GPN1: variants seen among roughly 807,000 people sequenced by gnomAD.
The protein encoded by GPN1 is GPN-loop GTPase 1.
Under a neutral mutation model 55.9 loss-of-function variants are expected in GPN1, and 44 were observed. The ratio of observed to expected loss-of-function variants is 0.79; its 90% CI spans 0.62 to 1.01. The LOEUF is 1.01. GPN1 is among the 50% of genes least tolerant of loss of function. GPN1 has a pLI of 0.00. For synonymous variants in GPN1, 179 were observed against 162.5 expected (o/e 1.10, Z -0.77); for missense variants, 466 against 462.8 (o/e 1.01, Z -0.06).
At chr2:27,641,150 C>A in intron 10 of GPN1, 90 bp from the exon 11 acceptor site, 3 of 794,636 alleles carry the variant, frequency 3.8e-6, no homozygotes, top group South Asian at 3.3e-5. Flanking sequence ...TTATTATTGT[C>A]AGTCTTAGGA....
intron 4 of GPN1, among the ~76,000 whole-genome samples, chr2:27,632,361 C>T (rs1673588613): frequency 6.6e-6 from 1 of 152,190 alleles, no homozygotes; most frequent in Non-Finnish European, 1.5e-5. Context: ...AACATTTTGA[C>T]AAGAGATAAC....
At chr2:27,644,723 GTTTTTT>G (rs1297764271) in intron 12 of GPN1, among the ~76,000 whole-genome samples, 3 of 101,744 alleles carry the variant, frequency 2.9e-5, no homozygotes, top group African/African-American at 1.2e-4. Flanking sequence ...TTTTGGTAGT[GTTTTTT>G]TTTTTTTTTT....
At chr2:27,642,940 G>GTT (rs1480978937) in intron 12 of GPN1, among the ~76,000 whole-genome samples, 8 of 80,774 alleles carry the variant, frequency 9.9e-5, no homozygotes, top group African/African-American at 2.6e-4. Context: ...AGGAAATGTG[G>GTT]TTTTATATAT....
chr2:27,642,138 A>G (rs1673982263), intron 11 of GPN1: 2 of 246,106 alleles, frequency 8.1e-6, no homozygotes, highest in African/African-American at 2.3e-5. Flanking sequence ...AGAGCAGGGG[A>G]TCCACCCTGG....
intron 5 of GPN1, 112 bp downstream of exon 5, chr2:27,632,782 C>A: frequency 4.1e-6 from 3 of 724,422 alleles, no homozygotes; most frequent in South Asian, 1.8e-5. Context: ...TGAGATGAAA[C>A]CATTAGGAGT....
At position 27,634,865 on chromosome 2, in the gene GPN1, C is replaced by A. The variant is rs761479677; in HGVS notation, c.370C>A (p.Pro124Thr). 1 of 1,589,564 alleles carries A rather than the reference C, an allele frequency of 6.3e-7. No individual in the cohort carries two copies. Among genetic ancestry groups the A allele is most frequent in the Non-Finnish European group, 8.6e-7 (1 of 1,157,654 alleles). Residue 124 changes from proline to threonine, a missense_variant, in exon 6 of 14, where the codon CCT becomes ACT. By Grantham distance (38) the Pro-to-Thr change is conservative. Transcript: ENST00000610189. ...NMSKYVLIDT[P>T]GQIEVFTWSA... Reference sequence around the variant, plus strand: ...ACATAGATATGTGTTGATTGACACACCTGGACAGATTGAGGTATTCACCTG... The same window carrying A: ...ACATAGATATGTGTTGATTGACACAACTGGACAGATTGAGGTATTCACCTG...
intron 13 of GPN1, among the ~76,000 whole-genome samples, chr2:27,648,726 C>T (rs12474585): frequency 0.23 from 35,517 of 152,060 alleles, 4,945 homozygotes; most frequent in East Asian, 0.57. Flanking sequence ...ACCGCTGCCT[C>T]CCGGGTTCAA....
At chr2:27,628,346 ACCTTCAGTGACTGGAGGGGAGGAAGCTCC>A, upstream of GPN1, 1 of 1,484,850 alleles carries the variant, frequency 6.7e-7, no homozygotes, top group Non-Finnish European at 9.0e-7. Context: ...TTTCTGAGGG[ACCTTCAGTGACTGGAGGGGAGGAAGCTCC>A]CCTCCAGTAC....
chr2:27,633,706 A>G (rs1303037083), intron 5 of GPN1, among the ~76,000 whole-genome samples: 1 of 151,298 alleles, frequency 6.6e-6, no homozygotes, highest in Non-Finnish European at 1.5e-5. Context: ...CAAACTCCTA[A>G]CCTCAAGTGA....
intron 1 of GPN1, 126 bp downstream of exon 1, chr2:27,629,295 A>G (rs971468501): frequency 5.5e-6 from 8 of 1,463,006 alleles, no homozygotes; most frequent in African/African-American, 2.8e-5. Context: ...GGGGCTTCCC[A>G]TCAACTTTAG....
rs1558491534 is a variant in GPN1, at chr2:27,644,181, A to AAC, written c.931+1663_931+1664insCA. 2.0e-5 allele frequency among the ~76,000 whole-genome samples: 3 copies of AAC among 152,268 alleles called. No individual in the cohort carries two copies. The East Asian group carries it at 5.8e-4, about 29-fold the overall frequency. On this transcript the variant is annotated intron_variant, in intron 12 of 13. Coordinates refer to ENST00000610189, the MANE Select transcript of GPN1 (RefSeq NM_007266.4). ...CAGAGTGAGACTCCCTCCATCTTAA[A>AAC]AACAACAACAACAAAAATTACTATT...
At chr2:27,628,608 G>T (rs1389562897), upstream of GPN1, 10 of 1,551,542 alleles carry the variant, frequency 6.4e-6, no homozygotes, top group Non-Finnish European at 5.2e-6. Context: ...CTCCAGTCCC[G>T]GCTGGTCCAG....
At position 27,635,187 on chromosome 2, in the gene GPN1, A is replaced by T; in HGVS notation, c.477A>T (p.Arg159Ser). The change falls in exon 7 of 14, where the codon AGA (arginine) becomes AGT (serine). Residue 159 changes from arginine to serine, a missense_variant. By Grantham distance (110) the Arg-to-Ser change is moderately radical. Transcript: ENST00000610189. The part of the protein sequence containing the change: ...TVVIYVMDTS[R>S]STNPVTFMSN... Reference sequence around the variant, plus strand: ...TCATCTATGTAATGGACACATCGAGAAGTACCAACCCAGTGACCTTCATGT... The same window carrying T: ...TCATCTATGTAATGGACACATCGAGTAGTACCAACCCAGTGACCTTCATGT... 1 of 1,606,588 alleles carries T rather than the reference A, an allele frequency of 6.2e-7. No homozygotes were observed. Among genetic ancestry groups the T allele is most frequent in the Non-Finnish European group, 8.5e-7 (1 of 1,173,686 alleles).
Position 27,638,988 on chromosome 2 carries a change from G to T in GPN1, c.674G>T (p.Arg225Leu). 6.2e-7 allele frequency: 1 copy of T among 1,613,098 alleles called. No homozygotes were observed. The highest frequency in any genetic ancestry group is 8.5e-7 in the Non-Finnish European group (1 of 1,179,360). ...QETTYVSNLT[R>L]SMSLVLDEFY... ...ACTACATACGTCAGTAACCTGACTC[G>T]TTCAATGAGCCTGGTGTTAGATGAG... The change falls in exon 9 of 14, where the codon CGT becomes CTT. Residue 225 changes from arginine to leucine, a missense_variant. Physicochemically the swap from Arg to Leu is moderately radical, Grantham distance 102 (BLOSUM62 -2). Coordinates refer to ENST00000610189, the MANE Select transcript of GPN1 (RefSeq NM_007266.4).
intron 8 of GPN1, 39 bp from the exon 9 acceptor site, chr2:27,638,846 T>G: frequency 4.5e-6 from 7 of 1,559,260 alleles, no homozygotes; most frequent in Non-Finnish European, 4.3e-6. Context: ...TTGCGTTTGT[T>G]GGCTCTGGTT....
At chr2:27,647,609 C>T (rs1348684640) in intron 12 of GPN1, among the ~76,000 whole-genome samples, 1 of 152,136 alleles carries the variant, frequency 6.6e-6, no homozygotes, top group Non-Finnish European at 1.5e-5. Flanking sequence ...TTTCCCTCAG[C>T]TTAAAAAAAT....
intron 13 of GPN1, among the ~76,000 whole-genome samples, chr2:27,648,766 G>A (rs1674365106): frequency 6.6e-6 from 1 of 152,134 alleles, no homozygotes; most frequent in Non-Finnish European, 1.5e-5. Context: ...CTCCAGAGTA[G>A]CTGGGACCAC....
chr2:27,641,862 G>C (rs1673968576), intron 11 of GPN1, among the ~76,000 whole-genome samples: 1 of 152,118 alleles, frequency 6.6e-6, no homozygotes, highest in African/African-American at 2.4e-5. Context: ...GCCTCCTGTA[G>C]TGCTAGGATT....
intron 12 of GPN1, among the ~76,000 whole-genome samples, chr2:27,645,338 G>C (rs2148083606): frequency 6.6e-6 from 1 of 152,046 alleles, no homozygotes; most frequent in Middle Eastern, 3.4e-3. Context: ...GTACCATGTT[G>C]TTTTAATTAT....
Sources: gnomAD v4.1 joint callset for allele counts (sites outside exome capture counted in the v4.1 genomes callset) on GRCh38, gnomAD v4.1.1 for gene constraint, MANE v1.5 for transcripts, NCBI Gene and HGNC (gene_info 2026-07-23, HGNC 2026-07-21) for gene names.